The following NBDY variants were observed in gnomAD, a reference collection of about 807,000 sequenced individuals.
The protein encoded by NBDY is P-body dissociating protein.
intron 2 of NBDY, among the ~76,000 whole-genome samples, chrX:56,813,384 G>A (rs763886986): frequency 9.0e-6 from 1 of 110,633 alleles, no homozygotes; most frequent in South Asian, 3.9e-4. Context: ...ACACAACAGC[G>A]ATCCACATTT....
intron 2 of NBDY, among the ~76,000 whole-genome samples, chrX:56,793,041 T>C (rs2069772603): frequency 9.0e-6 from 1 of 111,690 alleles, no homozygotes; most frequent in Non-Finnish European, 1.9e-5. Context: ...CCCGCCTGTG[T>C]AAAAGCCAAG....
intron 2 of NBDY, among the ~76,000 whole-genome samples, chrX:56,761,482 C>G (rs1314271740): frequency 4.4e-5 from 5 of 113,447 alleles, no homozygotes; most frequent in Non-Finnish European, 9.4e-5. Flanking sequence ...GACACTTTCT[C>G]CTGGCTGGTT....
At chrX:56,764,651 C>T (rs1326286705) in intron 2 of NBDY, among the ~76,000 whole-genome samples, 2 of 102,070 alleles carry the variant, frequency 2.0e-5, no homozygotes, top group African/African-American at 6.9e-5. Flanking sequence ...TTCCCTTCCC[C>T]CATTTTCTTT....
chrX:56,785,211 C>T (rs146152712), intron 2 of NBDY, among the ~76,000 whole-genome samples: 21 of 111,166 alleles, frequency 1.9e-4, no homozygotes, highest in South Asian at 3.9e-4. Flanking sequence ...TCAACAAATG[C>T]GGATTCTTTT....
At chrX:56,755,978 C>T (rs1317213789) in intron 2 of NBDY, among the ~76,000 whole-genome samples, 1 of 105,215 alleles carries the variant, frequency 9.5e-6, no homozygotes, top group Non-Finnish European at 1.9e-5. Context: ...ATGATGAGTT[C>T]ATGTCCTTTG....
chrX:56,757,970 C>G (rs1362198211), intron 2 of NBDY, among the ~76,000 whole-genome samples: 3 of 111,163 alleles, frequency 2.7e-5, no homozygotes, highest in Admixed American at 9.5e-5. Flanking sequence ...AAGCCACTTG[C>G]TTGTGTGCAC....
Position 56,732,142 on chromosome X carries a change from T to G in NBDY, c.*109T>G, listed in dbSNP as rs2069462434. On this transcript the variant is annotated 3_prime_UTR_variant, in exon 2 of 3. Transcript: ENST00000374922. ...CACCTGGTGAAAACAATGAAGATTA[T>G]TTACAATGCTACCCTGCTTTTTCTG... 1 of 295,171 alleles carries G rather than the reference T, an allele frequency of 3.4e-6. No homozygotes were observed. Among genetic ancestry groups the G allele is most frequent in the Non-Finnish European group, 5.9e-6 (1 of 169,785 alleles). The allele number at this position is 295,171 out of a possible 1,213,427, so 24.3% of individuals were successfully genotyped here.
chrX:56,739,240 A>ATATATATATATATATATATATGTATGTG (rs2069516081), intron 2 of NBDY, among the ~76,000 whole-genome samples: 1 of 73,475 alleles, frequency 1.4e-5, no homozygotes, highest in African/African-American at 5.7e-5. Flanking sequence ...TTGTGTGTGT[A>ATATATATATATATATATATATGTATGTG]TATATATATA....
At chrX:56,753,832 T>C (rs1282030149) in intron 2 of NBDY, among the ~76,000 whole-genome samples, 1 of 110,802 alleles carries the variant, frequency 9.0e-6, no homozygotes, top group Non-Finnish European at 1.9e-5. Flanking sequence ...GGAGGTCCTG[T>C]ATTAGTGACT....
chrX:56,744,879 A>G (rs2069548987), intron 2 of NBDY, among the ~76,000 whole-genome samples: 1 of 111,916 alleles, frequency 8.9e-6, no homozygotes, highest in African/African-American at 3.2e-5. Flanking sequence ...AACAATTATT[A>G]CAATATTCAT....
intron 2 of NBDY, among the ~76,000 whole-genome samples, chrX:56,783,287 C>G (rs950391379): frequency 8.8e-6 from 1 of 113,015 alleles, no homozygotes; most frequent in Non-Finnish European, 1.9e-5. Context: ...CCAGAAACTG[C>G]CGGGCATGAG....
At chrX:56,783,662 C>T (rs970214425) in intron 2 of NBDY, among the ~76,000 whole-genome samples, 6 of 112,361 alleles carry the variant, frequency 5.3e-5, no homozygotes, top group Admixed American at 3.7e-4. Context: ...CGCACATTTT[C>T]GCGGATCTCT....
At chrX:56,789,639 G>C (rs2069750106) in intron 2 of NBDY, among the ~76,000 whole-genome samples, 1 of 111,574 alleles carries the variant, frequency 9.0e-6, no homozygotes, top group African/African-American at 3.3e-5. Context: ...AGATGGGACT[G>C]CATGGGACTG....
At chrX:56,736,597 C>T (rs917251069) in intron 2 of NBDY, among the ~76,000 whole-genome samples, 2 of 112,643 alleles carry the variant, frequency 1.8e-5, no homozygotes, top group Admixed American at 1.9e-4. Flanking sequence ...TAAAAATTAC[C>T]TTATAATCTT....
At chrX:56,806,452 C>T (rs1373289694) in intron 2 of NBDY, among the ~76,000 whole-genome samples, 1 of 112,171 alleles carries the variant, frequency 8.9e-6, no homozygotes, top group Non-Finnish European at 1.9e-5. Context: ...TAAAAGCATT[C>T]TTATTTCTCC....
In NBDY at chrX:56,818,745, A is replaced by G. The variant is rs1365497677; in HGVS notation, c.*1592A>G. 1.8e-5 allele frequency: 2 copies of G among 111,968 alleles called. No homozygotes were observed. Among genetic ancestry groups the G allele is most frequent in the Non-Finnish European group, 3.8e-5 (2 of 53,182 alleles). The allele number at this position is 111,968 out of a possible 1,213,427, so 9.2% of individuals were successfully genotyped here. On this transcript the variant is annotated 3_prime_UTR_variant, in exon 3 of 3. Transcript: ENST00000374922. ...AGAATAGCCAAAACAATCTTGAAGT[A>G]TACAAAGTTTGAAGAGTCACATTTC...
In NBDY at chrX:56,756,619, G is replaced by A. The variant is rs140491593; in HGVS notation, c.*166+24420G>A. On this transcript the variant is annotated intron_variant, in intron 2 of 2. Transcript: ENST00000374922. ...CATATTAGCGAAGTGCATTAAGGAA[G>A]GCAACAGACGAATAGGAAAAATAAT... Among the ~76,000 whole-genome samples, 694 of 111,805 alleles carry A rather than the reference G, an allele frequency of 6.2e-3. 3 individuals carry two copies. Among genetic ancestry groups the A allele is most frequent in the Non-Finnish European group, 0.011 (602 of 53,115 alleles).
At chrX:56,788,771 A>G (rs973717955) in intron 2 of NBDY, among the ~76,000 whole-genome samples, 1 of 112,661 alleles carries the variant, frequency 8.9e-6, no homozygotes, top group Non-Finnish European at 1.9e-5. Flanking sequence ...GCGTATCTCA[A>G]AATGGCTGGG....
rs543348384 is a variant in NBDY, at chrX:56,729,574, T to C, written c.*14T>C. On this transcript the variant is annotated 3_prime_UTR_variant, in exon 1 of 3. Coordinates refer to ENST00000374922, the MANE Select transcript of NBDY (RefSeq NM_001348129.2). ...CCGGAGAAGTAGAGAAATAAATTTC[T>C]CCCACCCTAAACCAGGTCAGATTCT... 3 of 296,240 alleles carry C rather than the reference T, an allele frequency of 1.0e-5. No individual in the cohort carries two copies. In the South Asian group the frequency reaches 6.2e-4, roughly 61 times the overall value. 24.4% of individuals were successfully genotyped at this position (296,240 alleles called of 1,213,427 possible). A position where few individuals can be genotyped will look rare whatever the true frequency, so the allele number is the denominator to read the frequency against.
Sources: allele counts gnomAD v4.1 joint callset (sites outside exome capture counted in the v4.1 genomes callset), GRCh38; gene constraint gnomAD v4.1.1; transcripts MANE v1.5; gene names NCBI Gene and HGNC (gene_info 2026-07-23, HGNC 2026-07-21).